The following ENOX1 variants were observed in gnomAD, a reference collection of about 807,000 sequenced individuals.
ENOX1 encodes the protein candidate growth-related and time keeping constitutive hydroquinone (NADH) oxidase.
Under a neutral mutation model 82.5 loss-of-function variants are expected in ENOX1, and 42 were observed. The observed-to-expected ratio is 0.51, with a 90% CI of 0.40 to 0.66. The LOEUF is 0.66. ENOX1 is among the 30% of genes least tolerant of loss of function. ENOX1 has a pLI of 0.00. For missense variants in ENOX1, 608 were observed against 811.6 expected, an observed-to-expected ratio of 0.75 and a Z score of 3.05; for synonymous variants, 271 against 282.2, an observed-to-expected ratio of 0.96 and a Z score of 0.40.
At chr13:43,290,037 C>A (rs759390782) in intron 12 of ENOX1, among the ~76,000 whole-genome samples, 66 of 152,114 alleles carry the variant, frequency 4.3e-4, no homozygotes, top group Non-Finnish European at 2.2e-4. Context: ...CCATCTCACA[C>A]CAGTCAGAAT....
chr13:43,361,996 A>C (rs923025730), intron 5 of ENOX1, among the ~76,000 whole-genome samples: 7 of 151,954 alleles, frequency 4.6e-5, no homozygotes, highest in African/African-American at 1.7e-4. Flanking sequence ...AAAAAAAAGC[A>C]AAACAAAGAG....
At chr13:43,708,970 A>G (rs2087506517) in intron 1 of ENOX1, among the ~76,000 whole-genome samples, 1 of 152,180 alleles carries the variant, frequency 6.6e-6, no homozygotes, top group African/African-American at 2.4e-5. Flanking sequence ...TAGCCTGTCT[A>G]TGAGAATTAT....
chr13:43,740,742 A>T (rs1000863601), intron 1 of ENOX1, among the ~76,000 whole-genome samples: 2 of 152,156 alleles, frequency 1.3e-5, no homozygotes, highest in Non-Finnish European at 2.9e-5. Context: ...GAGTCATACA[A>T]TATGTGGTCT....
At chr13:43,356,192 A>T (rs192403508) in intron 7 of ENOX1, 40 bp from the exon 8 acceptor site, 1 of 1,592,598 alleles carries the variant, frequency 6.3e-7, no homozygotes. Context: ...ATAATGTAAC[A>T]ATGGCCACAG....
At chr13:43,308,388 C>G (rs2046990123) in intron 11 of ENOX1, among the ~76,000 whole-genome samples, 1 of 152,148 alleles carries the variant, frequency 6.6e-6, no homozygotes, top group South Asian at 2.1e-4. Context: ...TCCCACATTA[C>G]TTTACCTCAC....
At position 43,344,514 on chromosome 13, in the gene ENOX1, G is replaced by A. The variant is rs375881942; in HGVS notation, c.1036+24C>T. On this transcript the variant is annotated intron_variant, in intron 9 of 16. Transcript: ENST00000690772. ...GAAAAGGCAAAATCACAACAAAAGA[G>A]ATGGCCCCCAAAATTTTACTTACAT... 7.6e-6 allele frequency: 12 copies of A among 1,580,452 alleles called. No homozygotes were observed. The African/African-American group carries it at 1.4e-4, about 18-fold the overall frequency.
intron 8 of ENOX1, among the ~76,000 whole-genome samples, chr13:43,344,981 T>A (rs1159333807): frequency 6.6e-6 from 1 of 152,144 alleles, no homozygotes; most frequent in Admixed American, 6.5e-5. Context: ...ATCTACCAAC[T>A]CCATGAGCTC....
intron 2 of ENOX1, among the ~76,000 whole-genome samples, chr13:43,647,712 C>T (rs977248879): frequency 1.3e-5 from 2 of 152,140 alleles, no homozygotes; most frequent in African/African-American, 4.8e-5. Flanking sequence ...CAAAGATGTC[C>T]AGCGTCTATT....
At chr13:43,280,247 A>G (rs73176320) in intron 12 of ENOX1, among the ~76,000 whole-genome samples, 1 of 152,356 alleles carries the variant, frequency 6.6e-6, no homozygotes, top group Non-Finnish European at 1.5e-5. Flanking sequence ...CTTTCTTTAC[A>G]GATTTTATAA....
chr13:43,548,635 T>C (rs968383286), intron 2 of ENOX1, among the ~76,000 whole-genome samples: 21 of 152,224 alleles, frequency 1.4e-4, no homozygotes, highest in African/African-American at 5.1e-4. Context: ...CTCCTTAATC[T>C]GGCTGGGTCC....
intron 3 of ENOX1, among the ~76,000 whole-genome samples, chr13:43,460,523 G>A (rs1238111255): frequency 1.3e-5 from 2 of 152,006 alleles, no homozygotes; most frequent in African/African-American, 2.4e-5. Flanking sequence ...GATAGCTGCC[G>A]GGCTCAGTGG....
intron 15 of ENOX1, among the ~76,000 whole-genome samples, chr13:43,233,144 G>A (rs912485470): frequency 6.6e-6 from 1 of 152,082 alleles, no homozygotes; most frequent in Non-Finnish European, 1.5e-5. Context: ...CCTTATGTGT[G>A]GTTACTATAG....
intron 7 of ENOX1, among the ~76,000 whole-genome samples, chr13:43,356,450 T>C (rs2050163335): frequency 6.6e-6 from 1 of 152,136 alleles, no homozygotes; most frequent in Non-Finnish European, 1.5e-5. Context: ...ACTAGGGTCT[T>C]ATCATGATCA....
chr13:43,295,962 A>G (rs1303199778), intron 12 of ENOX1, among the ~76,000 whole-genome samples: 1 of 152,142 alleles, frequency 6.6e-6, no homozygotes, highest in Non-Finnish European at 1.5e-5. Flanking sequence ...TAGGTTAAAG[A>G]GGCACACCTC....
At chr13:43,611,840 G>T (rs77938954) in intron 2 of ENOX1, among the ~76,000 whole-genome samples, 1 of 152,192 alleles carries the variant, frequency 6.6e-6, no homozygotes, top group South Asian at 2.1e-4. Flanking sequence ...CTTGCCCTTG[G>T]CATGGTACCT....
chr13:43,663,501 T>C (rs1231348180), intron 2 of ENOX1, among the ~76,000 whole-genome samples: 1 of 152,214 alleles, frequency 6.6e-6, no homozygotes, highest in Non-Finnish European at 1.5e-5. Context: ...ATAAAGTATT[T>C]CCTAATTGTC....
chr13:43,568,273 T>C (rs574116727), intron 2 of ENOX1, among the ~76,000 whole-genome samples: 3 of 152,278 alleles, frequency 2.0e-5, no homozygotes, highest in African/African-American at 7.2e-5. Flanking sequence ...TCCTCTTGCA[T>C]GAAACCTCTT....
chr13:43,607,260 A>C (rs2082016091), intron 2 of ENOX1, among the ~76,000 whole-genome samples: 1 of 152,192 alleles, frequency 6.6e-6, no homozygotes, highest in Non-Finnish European at 1.5e-5. Flanking sequence ...AAAAATTAAA[A>C]AAAAAATCAC....
At chr13:43,448,757 C>A (rs2056795625) in intron 3 of ENOX1, among the ~76,000 whole-genome samples, 1 of 152,152 alleles carries the variant, frequency 6.6e-6, no homozygotes, top group Non-Finnish European at 1.5e-5. Context: ...GTAATTCATG[C>A]ATCAGCACAC....
Sources: allele counts gnomAD v4.1 joint callset (sites outside exome capture counted in the v4.1 genomes callset), GRCh38; gene constraint gnomAD v4.1.1; transcripts MANE v1.5; gene names NCBI Gene and HGNC (gene_info 2026-07-23, HGNC 2026-07-21).